The following NCKAP1 variants were observed in gnomAD, a reference collection of about 807,000 sequenced individuals.
The protein encoded by NCKAP1 is nck-associated protein 1.
NCKAP1 carries 21 observed loss-of-function variants against 151.2 expected under a neutral mutation model. The ratio of observed to expected loss-of-function variants is 0.14; its 90% CI spans 0.10 to 0.20. NCKAP1 has a LOEUF of 0.20. NCKAP1 is among the 10% of genes least tolerant of loss of function. NCKAP1 has a pLI of 1.00. For missense variants in NCKAP1, 933 were observed against 1,352.1 expected, an observed-to-expected ratio of 0.69 and a Z score of 4.86; for synonymous variants, 484 against 451.8, an observed-to-expected ratio of 1.07 and a Z score of -0.90.
At chr2:183,024,403 A>C (rs767758875) in intron 1 of NCKAP1, among the ~76,000 whole-genome samples, 5 of 152,176 alleles carry the variant, frequency 3.3e-5, no homozygotes, top group Non-Finnish European at 7.4e-5. Context: ...GAAGCTGCTA[A>C]AATTGTCTTT....
intron 8 of NCKAP1, 54 bp from the exon 9 acceptor site, chr2:182,989,240 T>C: frequency 7.0e-7 from 1 of 1,437,430 alleles, no homozygotes; most frequent in Non-Finnish European, 9.5e-7. Context: ...ATTCCAAAGT[T>C]TGGTGACAGT....
intron 1 of NCKAP1, among the ~76,000 whole-genome samples, chr2:183,036,628 T>C (rs765463373): frequency 1.3e-5 from 2 of 152,170 alleles, no homozygotes; most frequent in African/African-American, 2.4e-5. Flanking sequence ...TGAGTAAGCA[T>C]GTTGCAGTTA....
At chr2:182,993,832 C>A (rs1420950458) in intron 8 of NCKAP1, among the ~76,000 whole-genome samples, 1 of 152,124 alleles carries the variant, frequency 6.6e-6, no homozygotes, top group African/African-American at 2.4e-5. Flanking sequence ...ATATAACAAA[C>A]CTGCACATGT....
At chr2:183,022,030 C>CA (rs1698806505) in intron 2 of NCKAP1, among the ~76,000 whole-genome samples, 1 of 151,938 alleles carries the variant, frequency 6.6e-6, no homozygotes, top group Non-Finnish European at 1.5e-5. Context: ...TATCAAAAAA[C>CA]AAAAAACAAC....
Position 182,978,878 on chromosome 2 carries a change from A to G in NCKAP1, c.1379T>C (p.Met460Thr). Residue 460 changes from methionine to threonine, a missense_variant, in exon 14 of 31, where the codon ATG becomes ACG. By Grantham distance (81) the Met-to-Thr change is moderately conservative. Coordinates refer to ENST00000361354, the MANE Select transcript of NCKAP1 (RefSeq NM_013436.5). ...SVCPEDESII[M>T]SSFVNTMTSL... is the part of the protein sequence containing the mutation. ...AGTCATAGTGTTAACAAAAGAGGACATGATGATTGATTCATCTTCAGGGCA... is the reference window on the plus strand; with the variant it reads ...AGTCATAGTGTTAACAAAAGAGGACGTGATGATTGATTCATCTTCAGGGCA... 1.2e-6 allele frequency: 2 copies of G among 1,609,248 alleles called. No individual in the cohort carries two copies. Among genetic ancestry groups the G allele is most frequent in the Non-Finnish European group, 1.7e-6 (2 of 1,176,648 alleles).
chr2:182,987,885 GGGGGAGT>G (rs1698088438), intron 9 of NCKAP1, among the ~76,000 whole-genome samples: 1 of 152,124 alleles, frequency 6.6e-6, no homozygotes, highest in African/African-American at 2.4e-5. Flanking sequence ...AAGGAGTGGG[GGGGGAGT>G]GGGGACTAGG....
chr2:182,911,481 T>G lies in NCKAP1; in HGVS notation c.*14221A>C, dbSNP rs1037474756. 3 of 152,180 alleles carry G rather than the reference T, an allele frequency of 2.0e-5. No homozygotes were observed. The highest frequency in any genetic ancestry group is 4.4e-5 in the Non-Finnish European group (3 of 68,024). The allele number at this position is 152,180 out of a possible 1,614,324, so 9.4% of individuals were successfully genotyped here. On this transcript the variant is annotated 3_prime_UTR_variant, in exon 31 of 31. Coordinates refer to ENST00000361354, the MANE Select transcript of NCKAP1 (RefSeq NM_013436.5). ...TATTAACTTATATAGTTAATACATG[T>G]TTTATATACTGTTATAAACAGACTA...
intron 6 of NCKAP1, among the ~76,000 whole-genome samples, chr2:183,001,046 T>C (rs1315518176): frequency 6.6e-6 from 1 of 152,262 alleles, no homozygotes; most frequent in African/African-American, 2.4e-5. Context: ...TGAGCTGAGA[T>C]TGCACCACTG....
At chr2:183,019,334 C>T (rs1698751985) in intron 2 of NCKAP1, among the ~76,000 whole-genome samples, 1 of 149,944 alleles carries the variant, frequency 6.7e-6, no homozygotes, top group African/African-American at 2.5e-5. Context: ...AGGTGTAATG[C>T]AATATAGGAA....
chr2:182,986,195 C>G lies in NCKAP1; in HGVS notation c.980G>C (p.Cys327Ser). 6.2e-7 allele frequency: 1 copy of G among 1,613,814 alleles called. No individual in the cohort carries two copies. Among genetic ancestry groups the G allele is most frequent in the Non-Finnish European group, 8.5e-7 (1 of 1,179,798 alleles). Reference protein sequence around the residue: ...YNKRINDIRECKEAAVSHAGS... With the variant: ...YNKRINDIRESKEAAVSHAGS... ...CGCATGTGACACGGCTGCCTCCTTG[C>G]ATTCTCTTATGTCATTAATACGTTT... The change falls in exon 10 of 31, where the codon TGC becomes TCC. Residue 327 changes from cysteine to serine, a missense_variant. Physicochemically the swap from Cys to Ser is moderately radical, Grantham distance 112. Transcript: ENST00000361354.
At chr2:182,984,245 A>T (rs544473232) in intron 10 of NCKAP1, among the ~76,000 whole-genome samples, 14 of 152,246 alleles carry the variant, frequency 9.2e-5, no homozygotes, top group African/African-American at 2.9e-4. Flanking sequence ...TCAAAAATAG[A>T]AAGATGGGGA....
chr2:182,957,724 T>C, intron 18 of NCKAP1, 128 bp from the exon 19 acceptor site: 1 of 1,031,688 alleles, frequency 9.7e-7, no homozygotes, highest in Non-Finnish European at 1.4e-6. Flanking sequence ...AAGACAGAAA[T>C]ATAAGTGAGA....
chr2:183,013,486 G>C (rs965656249), intron 2 of NCKAP1, among the ~76,000 whole-genome samples: 2 of 152,074 alleles, frequency 1.3e-5, no homozygotes, highest in Non-Finnish European at 2.9e-5. Flanking sequence ...AAATACTATA[G>C]GTTCTGTCTT....
chr2:182,953,658 G>A (rs900815146), intron 20 of NCKAP1, among the ~76,000 whole-genome samples: 3 of 151,956 alleles, frequency 2.0e-5, no homozygotes, highest in Non-Finnish European at 2.9e-5. Context: ...AAAATTAGCT[G>A]GGCCTGGCAC....
At chr2:183,001,788 C>G (rs1222146035) in intron 6 of NCKAP1, among the ~76,000 whole-genome samples, 165 bp downstream of exon 6, 1 of 152,086 alleles carries the variant, frequency 6.6e-6, no homozygotes, top group Non-Finnish European at 1.5e-5. Context: ...TATTCTGAAT[C>G]TCATTAATTA....
chr2:182,995,943 A>G (rs1227899993), intron 6 of NCKAP1, 105 bp from the exon 7 acceptor site: 7 of 992,890 alleles, frequency 7.1e-6, no homozygotes, highest in Non-Finnish European at 9.0e-6. Flanking sequence ...TCATAAAACA[A>G]CACAGCCTAA....
chr2:183,009,101 C>T (rs956210259), intron 2 of NCKAP1, among the ~76,000 whole-genome samples: 1 of 151,984 alleles, frequency 6.6e-6, no homozygotes, highest in African/African-American at 2.4e-5. Flanking sequence ...AGGCCAGGTG[C>T]GGAGGATCAC....
intron 15 of NCKAP1, among the ~76,000 whole-genome samples, chr2:182,972,209 C>A (rs1697710826): frequency 1.1e-5 from 1 of 90,668 alleles, no homozygotes. Flanking sequence ...ATAAGGAACT[C>A]AAACAGCTTA....
In NCKAP1 at chr2:182,957,510, T is replaced by G. The variant is rs1308268033; in HGVS notation, c.1968A>C (p.Glu656Asp). ...TGCTCTCAACACCTGGTTTCTCCCTTTCAGGTTCCCCTTTCTTACCAGTCT... is the reference window on the plus strand; with the variant it reads ...TGCTCTCAACACCTGGTTTCTCCCTGTCAGGTTCCCCTTTCTTACCAGTCT... ...KKQTGKKGEP[E>D]REKPGVESMR... Residue 656 changes from glutamate (E) to aspartate (D), a missense_variant, in exon 19 of 31, where the codon GAA becomes GAC. Glu to Asp is a conservative substitution (Grantham distance 45). Coordinates refer to ENST00000361354, the MANE Select transcript of NCKAP1 (RefSeq NM_013436.5). The G allele has an allele frequency of 6.2e-7, 1 of 1,614,070 alleles. No individual in the cohort carries two copies. The highest frequency in any genetic ancestry group is 8.5e-7 in the Non-Finnish European group (1 of 1,179,966).
Sources: gnomAD v4.1 joint callset for allele counts (sites outside exome capture counted in the v4.1 genomes callset) on GRCh38, gnomAD v4.1.1 for gene constraint, MANE v1.5 for transcripts, NCBI Gene and HGNC (gene_info 2026-07-23, HGNC 2026-07-21) for gene names.